The following TBC1D15 variants were observed in gnomAD, a reference collection of about 807,000 sequenced individuals.
The protein encoded by TBC1D15 is GAP for RAB7.
TBC1D15 carries 39 observed loss-of-function variants against 95.4 expected under a neutral mutation model. That is an observed-to-expected ratio of 0.41 (90% CI 0.32 to 0.53). The LOEUF (loss-of-function observed/expected upper bound fraction) is 0.53. Among genes scored for constraint, TBC1D15 ranks in the 20% least tolerant of loss-of-function variants. The pLI is 0.29. For synonymous variants in TBC1D15, 258 were observed against 261.3 expected (o/e 0.99, Z 0.12); for missense variants, 733 against 794.3 (o/e 0.92, Z 0.93).
Position 71,884,942 on chromosome 12 carries a change from G to C in TBC1D15, c.475G>C (p.Val159Leu), listed in dbSNP as rs779730555. 4 of 1,613,970 alleles carry C rather than the reference G, an allele frequency of 2.5e-6. No homozygotes were observed. Among genetic ancestry groups the C allele is most frequent in the Non-Finnish European group, 3.4e-6 (4 of 1,179,912 alleles). Residue 159 changes from valine (V) to leucine (L), a missense_variant, in exon 5 of 17, where the codon GTT (valine) becomes CTT (leucine). By Grantham distance (32) the Val-to-Leu change is conservative (BLOSUM62 1). Coordinates refer to ENST00000485960, the MANE Select transcript of TBC1D15 (RefSeq NM_001146213.3). ...YLVFCLKDDV[V>L]LPALHFHQGD... Reference sequence around the variant, plus strand: ...GGTATTCTGTCTAAAGGATGACGTCGTTCTCCCTGCTCTACACTTTCATCA... The same window carrying C: ...GGTATTCTGTCTAAAGGATGACGTCCTTCTCCCTGCTCTACACTTTCATCA...
chr12:71,920,985 A>G (rs141383147), intron 15 of TBC1D15, 138 bp downstream of exon 15: 6 of 639,552 alleles, frequency 9.4e-6, no homozygotes, highest in Admixed American at 3.0e-5. Context: ...AGGAATGACT[A>G]TCTGAGAATG....
chr12:71,888,093 T>C (rs1175845623), intron 5 of TBC1D15, among the ~76,000 whole-genome samples: 3 of 152,080 alleles, frequency 2.0e-5, no homozygotes, highest in Non-Finnish European at 4.4e-5. Flanking sequence ...TTAATAGGGG[T>C]ATATGTATCT....
At chr12:71,841,474 C>T (rs1176885733) in intron 1 of TBC1D15, among the ~76,000 whole-genome samples, 1 of 152,180 alleles carries the variant, frequency 6.6e-6, no homozygotes, top group East Asian at 1.9e-4. Context: ...GTAATACTAT[C>T]ATGACCAACA....
Position 71,841,408 on chromosome 12 carries a change from A to G in TBC1D15, c.30+1597A>G, listed in dbSNP as rs566605039. ...TCTCATTCACTGCAAATTCACATCT[A>G]TTGCCATCACTCCACTGAAACTAGT... On this transcript the variant is annotated intron_variant, in intron 1 of 16. Transcript: ENST00000485960. 1.1e-3 allele frequency among the ~76,000 whole-genome samples: 167 copies of G among 152,274 alleles called. 1 individual carries two copies. The highest frequency in any genetic ancestry group is 3.7e-3 in the African/African-American group (155 of 41,554).
intron 11 of TBC1D15, chr12:71,913,533 G>A (rs1902940281): frequency 7.6e-6 from 2 of 263,512 alleles, no homozygotes; most frequent in Admixed American, 1.2e-4. Context: ...TGATGCTCTT[G>A]CACATTATTT....
At chr12:71,919,158 AT>A in intron 14 of TBC1D15, among the ~76,000 whole-genome samples, 1 of 147,502 alleles carries the variant, frequency 6.8e-6, no homozygotes, top group Non-Finnish European at 1.5e-5. Context: ...AAACCAAATC[AT>A]TTCACATTTT....
intron 3 of TBC1D15, among the ~76,000 whole-genome samples, chr12:71,873,483 A>C (rs1252547273): frequency 6.6e-6 from 1 of 152,124 alleles, no homozygotes; most frequent in East Asian, 1.9e-4. Flanking sequence ...ATTGATGGAC[A>C]TTTGGGTTGT....
chr12:71,918,384 A>C, intron 13 of TBC1D15, 67 bp from the exon 14 acceptor site: 2 of 1,020,226 alleles, frequency 2.0e-6, no homozygotes, highest in Admixed American at 2.5e-5. Flanking sequence ...AGTTAGAGAA[A>C]AGTAACTGTA....
chr12:71,880,540 C>T lies in TBC1D15; in HGVS notation c.276C>T (p.Asn92=), dbSNP rs1894924253. ...ERGHRGSEHL[N]SYEAEWDMVN... The stretch of plus-strand genomic sequence containing the variant: ...GTCATCGAGGATCAGAACATCTGAA[C>T]AGTTACGAAGCAGAATGGGACATGG... Residue 92 remains asparagine (N), a synonymous_variant, in exon 4 of 17, where the codon AAC becomes AAT. Transcript: ENST00000485960. 1.2e-6 allele frequency: 2 copies of T among 1,613,436 alleles called. No homozygotes were observed. Among genetic ancestry groups the T allele is most frequent in the Non-Finnish European group, 1.7e-6 (2 of 1,179,664 alleles).
intron 11 of TBC1D15, among the ~76,000 whole-genome samples, chr12:71,911,676 T>A (rs1191716729): frequency 9.8e-5 from 14 of 142,592 alleles, no homozygotes; most frequent in South Asian, 2.3e-4. Flanking sequence ...TAATGCTAAA[T>A]GATGAATTAA....
intron 3 of TBC1D15, among the ~76,000 whole-genome samples, chr12:71,874,815 G>A (rs1031210004): frequency 6.6e-6 from 1 of 151,848 alleles, no homozygotes; most frequent in African/African-American, 2.4e-5. Context: ...TAGAGATGGA[G>A]TTTCACCATG....
In TBC1D15 at chr12:71,873,200, A is replaced by G. The variant is rs566200562; in HGVS notation, c.204+197A>G. Among the ~76,000 whole-genome samples, 32 of 152,346 alleles carry G rather than the reference A, an allele frequency of 2.1e-4. No homozygotes were observed. In the South Asian group the frequency reaches 5.4e-3, roughly 26 times the overall value. On this transcript the variant is annotated intron_variant, in intron 3 of 16. Transcript: ENST00000485960. Reference sequence around the variant, plus strand: ...TTTCATCACCCTCCAGAACTCTGTCAGCAGTTAACCCCTCATTTCACCTAC... The same window carrying G: ...TTTCATCACCCTCCAGAACTCTGTCGGCAGTTAACCCCTCATTTCACCTAC...
intron 10 of TBC1D15, among the ~76,000 whole-genome samples, chr12:71,901,145 C>G (rs983308218): frequency 6.6e-6 from 1 of 152,112 alleles, no homozygotes; most frequent in African/African-American, 2.4e-5. Flanking sequence ...CTCAGCCTCC[C>G]AAGTAGCTGG....
chr12:71,896,535 A>G (rs1325819384), intron 8 of TBC1D15, 142 bp from the exon 9 acceptor site: 2 of 694,882 alleles, frequency 2.9e-6, no homozygotes, highest in Non-Finnish European at 2.4e-6. Flanking sequence ...GTAAAAAACA[A>G]GATGATATTC....
intron 14 of TBC1D15, among the ~76,000 whole-genome samples, chr12:71,919,201 C>CTT (rs34109729): frequency 2.1e-4 from 27 of 131,450 alleles, no homozygotes; most frequent in African/African-American, 7.3e-4. Flanking sequence ...AATCAGTGTG[C>CTT]TTTTTTTTTT....
At chr12:71,865,419 G>A (rs1220127432) in intron 1 of TBC1D15, among the ~76,000 whole-genome samples, 1 of 152,152 alleles carries the variant, frequency 6.6e-6, no homozygotes, top group Non-Finnish European at 1.5e-5. Context: ...AGGAATCTGA[G>A]CCAGTAGGGT....
chr12:71,857,466 C>A (rs556467812), intron 1 of TBC1D15, among the ~76,000 whole-genome samples: 1 of 152,176 alleles, frequency 6.6e-6, no homozygotes, highest in East Asian at 1.9e-4. Context: ...TGTTCTATGG[C>A]AGGATGATAC....
intron 10 of TBC1D15, among the ~76,000 whole-genome samples, chr12:71,903,153 A>T (rs1899838263): frequency 6.6e-6 from 1 of 152,148 alleles, no homozygotes; most frequent in Non-Finnish European, 1.5e-5. Context: ...TGGCCTTGTG[A>T]TTCACCTGCC....
Position 71,920,822 on chromosome 12 carries a change from A to T in TBC1D15, c.1691A>T (p.His564Leu). Residue 564 changes from histidine (H) to leucine (L), a missense_variant, in exon 15 of 17, where the codon CAT becomes CTT. By Grantham distance (99) the His-to-Leu change is moderately conservative (BLOSUM62 -3). Transcript: ENST00000485960. Reference protein sequence around the residue: ...ESEKQQIMEKHYGFNEILKHI... With the variant: ...ESEKQQIMEKLYGFNEILKHI... ...GAAAAGCAGCAAATAATGGAAAAGCATTATGGCTTCAATGAAATACTTAAG... is the reference window on the plus strand; with the variant it reads ...GAAAAGCAGCAAATAATGGAAAAGCTTTATGGCTTCAATGAAATACTTAAG... 1.9e-6 allele frequency: 3 copies of T among 1,611,418 alleles called. No individual in the cohort carries two copies. The highest frequency in any genetic ancestry group is 2.5e-6 in the Non-Finnish European group (3 of 1,178,794).
Sources: allele counts gnomAD v4.1 joint callset (sites outside exome capture counted in the v4.1 genomes callset), GRCh38; gene constraint gnomAD v4.1.1; transcripts MANE v1.5; gene names NCBI Gene and HGNC (gene_info 2026-07-23, HGNC 2026-07-21).